The following ARHGAP39 variants were observed in gnomAD, a reference collection of about 807,000 sequenced individuals.
The protein encoded by ARHGAP39 is rho GTPase-activating protein 39.
ARHGAP39 carries 44 observed loss-of-function variants against 106.9 expected under a neutral mutation model. The ratio of observed to expected loss-of-function variants is 0.41; its 90% confidence interval spans 0.32 to 0.53. The LOEUF is 0.53. Ranked by LOEUF, ARHGAP39 falls within the 20% of genes least tolerant of loss-of-function variation. ARHGAP39 has a pLI of 0.21. For synonymous variants in ARHGAP39, 768 were observed against 693.2 expected (o/e 1.11, Z -1.69); for missense variants, 1,496 against 1,577.3 (o/e 0.95, Z 0.87).
intron 1 of ARHGAP39, among the ~76,000 whole-genome samples, chr8:144,652,522 A>G (rs1821599295): frequency 6.6e-6 from 1 of 152,246 alleles, no homozygotes; most frequent in African/African-American, 2.4e-5. Context: ...ACGTCCATCA[A>G]TGATAGATTG....
At chr8:144,628,244 C>T (rs573565449) in intron 1 of ARHGAP39, among the ~76,000 whole-genome samples, 7 of 152,254 alleles carry the variant, frequency 4.6e-5, no homozygotes, top group East Asian at 1.9e-4. Flanking sequence ...AGACATCACC[C>T]GCTGCTCTCC....
At chr8:144,541,284 C>T (rs558032455) in intron 6 of ARHGAP39, among the ~76,000 whole-genome samples, 14 of 152,358 alleles carry the variant, frequency 9.2e-5, no homozygotes, top group South Asian at 6.2e-4. Context: ...TTCCCACCAT[C>T]GGCCCAGGAT....
At position 144,671,070 on chromosome 8, in the gene ARHGAP39, A is replaced by C. The variant is rs1207205397; in HGVS notation, c.-82+14616T>G. 6.6e-6 allele frequency among the ~76,000 whole-genome samples: 1 copy of C among 152,118 alleles called. No homozygotes were observed. The highest frequency in any genetic ancestry group is 2.4e-5 in the African/African-American group (1 of 41,410). On this transcript the variant is annotated intron_variant, in intron 1 of 11. Transcript: ENST00000377307. This position sits in a 1 kb window ranked among gnomAD's most constrained non-coding sequence, Gnocchi z 4.5. ...GGCCGCCAAGCTTCTCCCGAAACCC[A>C]ACCAGGGCCCTTCACATACCAAGCA...
Position 144,644,552 on chromosome 8 carries a change from A to G in ARHGAP39, c.-81-38857T>C, listed in dbSNP as rs1293996358. On this transcript the variant is annotated intron_variant, in intron 1 of 11. Transcript: ENST00000377307. This position sits in a 1 kb window ranked among gnomAD's most constrained non-coding sequence, Gnocchi z 4.8. ...TTTTATATATAAATTATACCTCCATAATTGAAACACTGCCAAATGCACGCC... is the reference window on the plus strand; with the variant it reads ...TTTTATATATAAATTATACCTCCATGATTGAAACACTGCCAAATGCACGCC... Among the ~76,000 whole-genome samples the G allele has an allele frequency of 1.3e-5, 2 of 152,214 alleles. No individual in the cohort carries two copies. Among genetic ancestry groups the G allele is most frequent in the African/African-American group, 4.8e-5 (2 of 41,454 alleles).
intron 2 of ARHGAP39, among the ~76,000 whole-genome samples, chr8:144,600,771 G>A (rs910156736): frequency 1.3e-5 from 2 of 151,938 alleles, no homozygotes; most frequent in East Asian, 1.9e-4. Context: ...CTACCTGCGT[G>A]TGCATGGAGG....
chr8:144,602,914 TGC>T (rs1820105466), intron 2 of ARHGAP39, among the ~76,000 whole-genome samples: 4 of 128,928 alleles, frequency 3.1e-5, no homozygotes, highest in Admixed American at 7.9e-5. Context: ...TGTGTGTGTG[TGC>T]GTGGAGGCGT....
intron 3 of ARHGAP39, among the ~76,000 whole-genome samples, chr8:144,566,561 A>C (rs1030254069): frequency 6.6e-6 from 1 of 152,176 alleles, no homozygotes; most frequent in African/African-American, 2.4e-5. Flanking sequence ...CCTCAAAAAA[A>C]TAGAATGAAA....
chr8:144,674,622 C>T (rs1207839657), intron 1 of ARHGAP39, among the ~76,000 whole-genome samples: 16 of 152,192 alleles, frequency 1.1e-4, no homozygotes, highest in Non-Finnish European at 2.4e-4. Flanking sequence ...TCATCAGGGA[C>T]CTGCCCCTTT....
rs193018414 is a variant in ARHGAP39, at chr8:144,619,796, G to A, written c.-81-14101C>T. Among the ~76,000 whole-genome samples the A allele has an allele frequency of 1.9e-3, 285 of 151,164 alleles. 1 individual carries two copies. The highest frequency in any genetic ancestry group is 6.6e-3 in the African/African-American group (271 of 41,126). ...TGTGAGCCTGTGTCCGAGAGAGCGC[G>A]TGCCCGTGTGTGTGAGCTTGTGTCC... On this transcript the variant is annotated intron_variant, in intron 1 of 11. Transcript: ENST00000377307.
intron 3 of ARHGAP39, among the ~76,000 whole-genome samples, chr8:144,574,441 C>T (rs972044917): frequency 7.9e-5 from 12 of 152,070 alleles, no homozygotes; most frequent in African/African-American, 2.4e-4. Context: ...GAGGCCGAGG[C>T]GGGCAGATCA....
intron 1 of ARHGAP39, among the ~76,000 whole-genome samples, chr8:144,620,444 T>C (rs1179038512): frequency 1.6e-5 from 2 of 122,392 alleles, no homozygotes; most frequent in African/African-American, 6.6e-5. Flanking sequence ...CCCGTGTCTG[T>C]TAGCCTGTGT....
chr8:144,561,903 C>T (rs1418271738), intron 3 of ARHGAP39, among the ~76,000 whole-genome samples: 1 of 148,912 alleles, frequency 6.7e-6, no homozygotes. Flanking sequence ...TTCCATCGCA[C>T]TCCAGTGGTT....
In ARHGAP39 at chr8:144,580,959, C is replaced by T; in HGVS notation, c.399G>A (p.Glu133=). 2 of 1,603,610 alleles carry T rather than the reference C, an allele frequency of 1.2e-6. No individual in the cohort carries two copies. The highest frequency in any genetic ancestry group is 1.7e-6 in the Non-Finnish European group (2 of 1,176,806). ...SPGRGSSVSR[E]GSTSSSLEPE... ...GCTCCAGGGAGGAGCTGGTGCTGCC[C>T]TCACGGCTGACGCTGCTGCCGCGCC... Residue 133 remains glutamate (E), a synonymous_variant, in exon 3 of 12, where the codon GAG becomes GAA. Coordinates refer to ENST00000377307, the MANE Select transcript of ARHGAP39 (RefSeq NM_025251.3).
In ARHGAP39 at chr8:144,586,433, C is replaced by T. The variant is rs894519933; in HGVS notation, c.81-5156G>A. 1.3e-5 allele frequency: 2 copies of T among 152,510 alleles called. No homozygotes were observed. The highest frequency in any genetic ancestry group is 4.8e-5 in the African/African-American group (2 of 41,466). The allele number at this position is 152,510 out of a possible 1,614,324, so 9.4% of individuals were successfully genotyped here. A position where few individuals can be genotyped will look rare whatever the true frequency, so the allele number is the denominator to read the frequency against. On this transcript the variant is annotated intron_variant, in intron 2 of 11. Coordinates refer to ENST00000377307, the MANE Select transcript of ARHGAP39 (RefSeq NM_025251.3). The surrounding 1 kb of genome is among the most constrained non-coding windows in gnomAD (Gnocchi z 4.2). ...GTGACGGGCTCCTCTCTCCTCTGCC[C>T]CACAGGGTGTGCCGAGGACACCCCC...
chr8:144,664,493 T>C (rs1028833223), intron 1 of ARHGAP39, among the ~76,000 whole-genome samples: 1 of 152,116 alleles, frequency 6.6e-6, no homozygotes, highest in Non-Finnish European at 1.5e-5. Flanking sequence ...GGCCATCCAA[T>C]GTGTGGTAAT....
chr8:144,545,038 C>T (rs1215929583), intron 6 of ARHGAP39, among the ~76,000 whole-genome samples: 2 of 152,236 alleles, frequency 1.3e-5, no homozygotes, highest in Admixed American at 6.5e-5. Context: ...GCCAGGGCTC[C>T]GGGGCTCTTC....
intron 6 of ARHGAP39, among the ~76,000 whole-genome samples, chr8:144,544,166 G>C (rs2130835639): frequency 6.6e-6 from 1 of 152,354 alleles, no homozygotes; most frequent in South Asian, 2.1e-4. Flanking sequence ...CTGTGATCTT[G>C]TGTTGAAAAG....
chr8:144,546,425 G>A (rs1436126680), intron 5 of ARHGAP39, among the ~76,000 whole-genome samples: 1 of 152,166 alleles, frequency 6.6e-6, no homozygotes, highest in East Asian at 1.9e-4. Context: ...AGACCACGAA[G>A]GCCACCCAGG....
Position 144,581,282 on chromosome 8 carries a change from G to GGA in ARHGAP39, c.81-7_81-6dup, listed in dbSNP as rs2130900988. On this transcript the variant is annotated splice_region_variant and splice_polypyrimidine_tract_variant and intron_variant, in intron 2 of 11. Coordinates refer to ENST00000377307, the MANE Select transcript of ARHGAP39 (RefSeq NM_025251.3). The stretch of plus-strand genomic sequence containing the variant: ...ATGATCTCCACCCACTCCAACCTGG[G>GGA]GAGAGACAGGGTTAAGGCGGCTGGA... 1.3e-6 allele frequency: 2 copies of GGA among 1,540,308 alleles called. No homozygotes were observed. Among genetic ancestry groups the GGA allele is most frequent in the East Asian group, 4.9e-5 (2 of 40,904 alleles).
Sources: gnomAD v4.1 joint callset for allele counts (sites outside exome capture counted in the v4.1 genomes callset) on GRCh38, gnomAD v4.1.1 for gene constraint, Gnocchi (gnomAD v3.1) non-coding constraint, MANE v1.5 for transcripts, NCBI Gene and HGNC (gene_info 2026-07-23, HGNC 2026-07-21) for gene names.